CCDC102B: variants seen among roughly 807,000 people sequenced by gnomAD.
The protein encoded by CCDC102B is coiled-coil domain containing 102B.
A neutral mutation model predicts 57.4 loss-of-function variants in CCDC102B; 75 were observed. The ratio of observed to expected loss-of-function variants is 1.31; its 90% CI spans 1.08 to 1.58. The LOEUF (loss-of-function observed/expected upper bound fraction) is 1.58, where lower values mean the gene tolerates loss of function less well. CCDC102B is among the 40% of genes most tolerant of loss of function. CCDC102B has a pLI of 0.00. For synonymous variants in CCDC102B, 206 were observed against 201.9 expected, an observed-to-expected ratio of 1.02 and a Z score of -0.17; for missense variants, 636 against 582.6, an observed-to-expected ratio of 1.09 and a Z score of -0.94.
chr18:68,917,952 G>A (rs920104945), intron 6 of CCDC102B, among the ~76,000 whole-genome samples: 2 of 151,892 alleles, frequency 1.3e-5, no homozygotes, highest in African/African-American at 4.8e-5. Flanking sequence ...TATTTTATTT[G>A]CCTTATGTAC....
chr18:68,951,549 C>T (rs1010335594), intron 6 of CCDC102B, among the ~76,000 whole-genome samples: 6 of 151,990 alleles, frequency 3.9e-5, no homozygotes, highest in Admixed American at 2.6e-4. Flanking sequence ...GCCTCATGCC[C>T]GTAATCCCCG....
rs556887642 is a variant in CCDC102B, at chr18:68,930,508, T to C, written c.1263+33080T>C. Among the ~76,000 whole-genome samples the C allele has an allele frequency of 2.7e-3, 409 of 151,982 alleles. 4 individuals carry two copies. The highest frequency in any genetic ancestry group is 9.4e-3 in the African/African-American group (391 of 41,508). On this transcript the variant is annotated intron_variant, in intron 6 of 7. Coordinates refer to ENST00000360242, the MANE Select transcript of CCDC102B (RefSeq NM_024781.3). ...ACACAATCAGGTGTGCTATAGGTGGTTGCACAGCTTGGGCCAAAATGACTG... is the reference window on the plus strand; with the variant it reads ...ACACAATCAGGTGTGCTATAGGTGGCTGCACAGCTTGGGCCAAAATGACTG...
chr18:68,745,945 G>A (rs905707024), intron 2 of CCDC102B, among the ~76,000 whole-genome samples: 1 of 152,102 alleles, frequency 6.6e-6, no homozygotes, highest in Admixed American at 6.6e-5. Flanking sequence ...GAACTCAGGT[G>A]GGGATGGGGG....
chr18:68,937,545 G>C (rs1281864637), intron 6 of CCDC102B, among the ~76,000 whole-genome samples: 1 of 151,982 alleles, frequency 6.6e-6, no homozygotes, highest in African/African-American at 2.4e-5. Flanking sequence ...AATGAAGATT[G>C]ACTCCATTTT....
At chr18:68,982,011 G>A (rs2050598058) in intron 6 of CCDC102B, among the ~76,000 whole-genome samples, 1 of 151,844 alleles carries the variant, frequency 6.6e-6, no homozygotes, top group Admixed American at 6.6e-5. Flanking sequence ...GACAAGTAGG[G>A]AGATTGGGAG....
At chr18:68,949,403 T>C (rs1222474527) in intron 6 of CCDC102B, among the ~76,000 whole-genome samples, 1 of 152,076 alleles carries the variant, frequency 6.6e-6, no homozygotes, top group Non-Finnish European at 1.5e-5. Context: ...AACGAGGCAA[T>C]GATCTTTGCA....
chr18:68,920,677 A>G (rs1279793559), intron 6 of CCDC102B, among the ~76,000 whole-genome samples: 1 of 152,138 alleles, frequency 6.6e-6, no homozygotes, highest in Admixed American at 6.6e-5. Flanking sequence ...CAGGAAACTT[A>G]CAATCATGGA....
In CCDC102B at chr18:68,899,222, A is replaced by T. The variant is rs187705450; in HGVS notation, c.1263+1794A>T. On this transcript the variant is annotated intron_variant, in intron 6 of 7. Coordinates refer to ENST00000360242, the MANE Select transcript of CCDC102B (RefSeq NM_024781.3). ...GGTAGCAAGCCAAAATTCTTAGTGC[A>T]ACAGGAACTTCCCCAGAAGCTCAAA... Among the ~76,000 whole-genome samples, 4 of 152,200 alleles carry T rather than the reference A, an allele frequency of 2.6e-5. No homozygotes were observed. In the East Asian group the frequency reaches 7.7e-4, roughly 29 times the overall value.
chr18:68,758,306 T>C (rs907548479), intron 2 of CCDC102B, among the ~76,000 whole-genome samples: 1 of 151,756 alleles, frequency 6.6e-6, no homozygotes, highest in African/African-American at 2.4e-5. Flanking sequence ...TATATAAAAA[T>C]AATTTGGTTT....
chr18:68,895,511 A>T, intron 5 of CCDC102B, among the ~76,000 whole-genome samples: 1 of 151,800 alleles, frequency 6.6e-6, no homozygotes, highest in Non-Finnish European at 1.5e-5. Flanking sequence ...ATTTTATAAC[A>T]GTATAATAAT....
At chr18:69,002,613 G>A (rs569039237) in intron 6 of CCDC102B, among the ~76,000 whole-genome samples, 2 of 152,186 alleles carry the variant, frequency 1.3e-5, no homozygotes, top group Non-Finnish European at 2.9e-5. Flanking sequence ...GTTTTTGCTT[G>A]TTTGTCTTTT....
chr18:68,874,345 A>C (rs1599612918), intron 4 of CCDC102B, among the ~76,000 whole-genome samples: 1 of 151,976 alleles, frequency 6.6e-6, no homozygotes, highest in African/African-American at 2.4e-5. Context: ...GGATGAAAAG[A>C]TAAGGGTTAA....
intron 1 of CCDC102B, among the ~76,000 whole-genome samples, chr18:68,829,693 A>G (rs1266701039): frequency 6.6e-6 from 1 of 151,968 alleles, no homozygotes; most frequent in Non-Finnish European, 1.5e-5. Context: ...CACAAAGTGT[A>G]AATAGACCTG....
At chr18:68,817,285 G>A (rs2036522003) in intron 1 of CCDC102B, among the ~76,000 whole-genome samples, 1 of 152,112 alleles carries the variant, frequency 6.6e-6, no homozygotes, top group African/African-American at 2.4e-5. Flanking sequence ...GAACTCAGTG[G>A]GACACTTGGG....
At chr18:69,011,495 G>T in intron 7 of CCDC102B, among the ~76,000 whole-genome samples, 1 of 150,340 alleles carries the variant, frequency 6.7e-6, no homozygotes, top group East Asian at 1.9e-4. Flanking sequence ...TATATTTTCA[G>T]TGTTCTTTAG....
At chr18:68,801,587 C>T (rs937129050) in intron 1 of CCDC102B, among the ~76,000 whole-genome samples, 24 of 151,952 alleles carry the variant, frequency 1.6e-4, no homozygotes, top group Admixed American at 7.9e-4. Flanking sequence ...CATATGCTCA[C>T]TGAAGAATTT....
At chr18:68,765,074 T>TAAATAAATAAATAAATAAATAAATAAGC (rs1053677471) in intron 2 of CCDC102B, among the ~76,000 whole-genome samples, 5 of 147,912 alleles carry the variant, frequency 3.4e-5, no homozygotes, top group African/African-American at 1.3e-4. Flanking sequence ...AATAAATAAA[T>TAAATAAATAAATAAATAAATAAATAAGC]AAGCTGGGGA....
intron 7 of CCDC102B, among the ~76,000 whole-genome samples, chr18:69,014,990 T>TGC (rs2051625232): frequency 6.6e-6 from 1 of 151,330 alleles, no homozygotes; most frequent in Non-Finnish European, 1.5e-5. Context: ...TGTGTGTGTG[T>TGC]GTGTGTGTGT....
rs1031107929 is a variant in CCDC102B at position 68,874,212 on chromosome 18, GTATA to G, written c.937-448_937-445del. On this transcript the variant is annotated intron_variant, in intron 4 of 7. Transcript: ENST00000360242. ...TGTGTGTGTGTGTGTGTGTGTGTGT[GTATA>G]TATATATACTTTATTTCCATTGCCC... is the stretch of plus-strand genomic sequence containing the variant. Among the ~76,000 whole-genome samples, 396 of 120,674 alleles carry G rather than the reference GTATA, an allele frequency of 3.3e-3. 2 individuals carry two copies. The highest frequency in any genetic ancestry group is 5.1e-3 in the Admixed American group (59 of 11,516). The allele number at this position is 120,674 out of a possible 152,430, so 79.2% of individuals were successfully genotyped here.
Sources: gnomAD v4.1 joint callset for allele counts (sites outside exome capture counted in the v4.1 genomes callset) on GRCh38, gnomAD v4.1.1 for gene constraint, MANE v1.5 for transcripts, NCBI Gene and HGNC (gene_info 2026-07-23, HGNC 2026-07-21) for gene names.